Variants in KANSL1L observed in about 807,000 individuals in gnomAD.
The protein encoded by KANSL1L is KAT8 regulatory NSL complex subunit 1-like protein.
KANSL1L carries 25 observed loss-of-function variants against 108.6 expected under a neutral mutation model. The observed-to-expected ratio is 0.23, with a 90% CI of 0.17 to 0.32. The LOEUF (loss-of-function observed/expected upper bound fraction) is 0.32. Ranked by LOEUF, KANSL1L falls within the 10% of genes least tolerant of loss-of-function variation. The pLI, the probability that KANSL1L is intolerant of heterozygous loss-of-function variation, is 1.00. For missense variants in KANSL1L, 1,137 were observed against 1,125.7 expected, an observed-to-expected ratio of 1.01 and a Z score of -0.14; for synonymous variants, 405 against 395.1, an observed-to-expected ratio of 1.03 and a Z score of -0.30.
chr2:210,049,271 T>C (rs2094260662), intron 6 of KANSL1L, among the ~76,000 whole-genome samples: 1 of 152,174 alleles, frequency 6.6e-6, no homozygotes, highest in Non-Finnish European at 1.5e-5. Flanking sequence ...ATTCTTAGTA[T>C]GTTTCTCTTC....
At chr2:210,062,951 T>C (rs186131887) in intron 6 of KANSL1L, among the ~76,000 whole-genome samples, 131 of 152,292 alleles carry the variant, frequency 8.6e-4, no homozygotes, top group Admixed American at 7.9e-3. Flanking sequence ...CCCAAGACAA[T>C]GGAGAAAATG....
intron 2 of KANSL1L, among the ~76,000 whole-genome samples, chr2:210,140,254 C>T (rs1478109037): frequency 6.6e-6 from 1 of 152,072 alleles, no homozygotes; most frequent in African/African-American, 2.4e-5. Context: ...AAAATATTTG[C>T]CAACATCAAT....
chr2:210,136,175 G>A (rs572808667), intron 2 of KANSL1L, among the ~76,000 whole-genome samples: 285 of 152,154 alleles, frequency 1.9e-3, no homozygotes, highest in African/African-American at 6.6e-3. Context: ...TAGAACTCTG[G>A]CAGAACCTAG....
rs201864759 is a variant in KANSL1L at position 210,022,975 on chromosome 2, G to C, written c.2938C>G (p.Leu980Val). The C allele has an allele frequency of 6.2e-7, 1 of 1,613,288 alleles. No homozygotes were observed. The highest frequency in any genetic ancestry group is 1.3e-5 in the African/African-American group (1 of 74,970). The change falls in exon 15 of 15, where the codon CTT becomes GTT. Residue 980 changes from leucine to valine, a missense_variant. By Grantham distance (32) the Leu-to-Val change is conservative. Coordinates refer to ENST00000281772, the MANE Select transcript of KANSL1L (RefSeq NM_152519.4). Reference sequence around the variant, plus strand: ...CACCTATTTTTTTTAACATTAGTAAGTCCTAGACCAAAGGTTTTGTATTCT... The same window carrying C: ...CACCTATTTTTTTTAACATTAGTAACTCCTAGACCAAAGGTTTTGTATTCT... The part of the protein sequence containing the change: ...MEEYKTFGLG[L>V]TNVKKNR
intron 3 of KANSL1L, among the ~76,000 whole-genome samples, chr2:210,106,731 T>C (rs1355749795): frequency 6.8e-6 from 1 of 147,464 alleles, no homozygotes; most frequent in African/African-American, 2.5e-5. Flanking sequence ...ATCGCACCAC[T>C]GCACTCCAGC....
intron 6 of KANSL1L, among the ~76,000 whole-genome samples, chr2:210,055,380 G>T (rs534301345): frequency 3.9e-5 from 6 of 152,314 alleles, no homozygotes; most frequent in Admixed American, 3.3e-4. Context: ...AAAGAGTGAG[G>T]TGCTGCTATC....
intron 4 of KANSL1L, among the ~76,000 whole-genome samples, chr2:210,101,583 T>C (rs564224729): frequency 6.6e-6 from 1 of 152,134 alleles, no homozygotes; most frequent in East Asian, 1.9e-4. Flanking sequence ...GTTGATCCTA[T>C]AGGATGAGGG....
chr2:210,096,711 A>T (rs2094739130), intron 5 of KANSL1L: 11 of 959,598 alleles, frequency 1.1e-5, no homozygotes, highest in Non-Finnish European at 1.4e-5. Context: ...AAAATATCAT[A>T]GTTATCCTAT....
At chr2:210,040,552 A>G in intron 7 of KANSL1L, 25 bp from the exon 8 acceptor site, 1 of 1,074,666 alleles carries the variant, frequency 9.3e-7, no homozygotes, top group Non-Finnish European at 1.4e-6. Flanking sequence ...TAAAAAAGGT[A>G]TTTTCAAATA....
At chr2:210,139,107 A>C (rs1160732860) in intron 2 of KANSL1L, among the ~76,000 whole-genome samples, 2 of 152,016 alleles carry the variant, frequency 1.3e-5, no homozygotes, top group African/African-American at 4.8e-5. Context: ...TCAAAACAAA[A>C]CAAAACAAAA....
At chr2:210,156,086 T>C (rs1309676218) in intron 1 of KANSL1L, among the ~76,000 whole-genome samples, 3 of 152,176 alleles carry the variant, frequency 2.0e-5, no homozygotes, top group Non-Finnish European at 2.9e-5. Flanking sequence ...TTATCTAGAC[T>C]ATAGGAGGAA....
At chr2:210,164,367 A>G (rs2095376133) in intron 1 of KANSL1L, among the ~76,000 whole-genome samples, 1 of 152,202 alleles carries the variant, frequency 6.6e-6, no homozygotes, top group African/African-American at 2.4e-5. Flanking sequence ...CTTTCTAAAA[A>G]GCACCTGGAT....
intron 5 of KANSL1L, among the ~76,000 whole-genome samples, chr2:210,082,754 C>T (rs2094600297): frequency 6.6e-6 from 1 of 152,138 alleles, no homozygotes; most frequent in Admixed American, 6.5e-5. Flanking sequence ...TCTAACATTT[C>T]CCCCACATTC....
At chr2:210,130,216 T>C (rs183846110) in intron 2 of KANSL1L, among the ~76,000 whole-genome samples, 9 of 152,278 alleles carry the variant, frequency 5.9e-5, no homozygotes, top group Non-Finnish European at 1.2e-4. Context: ...CACTCTGTTG[T>C]GGGATATTAA....
At chr2:210,139,983 T>G (rs1159197180) in intron 2 of KANSL1L, among the ~76,000 whole-genome samples, 1 of 151,396 alleles carries the variant, frequency 6.6e-6, no homozygotes, top group Non-Finnish European at 1.5e-5. Flanking sequence ...GCTCAAGCGA[T>G]CCACCGGGCT....
intron 1 of KANSL1L, among the ~76,000 whole-genome samples, chr2:210,158,528 C>G (rs550482130): frequency 2.6e-5 from 4 of 152,100 alleles, no homozygotes; most frequent in African/African-American, 9.7e-5. Flanking sequence ...TGAAATAACA[C>G]GTAATTTAAG....
At chr2:210,107,519 A>AT (rs1553663239) in intron 3 of KANSL1L, among the ~76,000 whole-genome samples, 2 of 141,568 alleles carry the variant, frequency 1.4e-5, no homozygotes, top group African/African-American at 5.4e-5. Flanking sequence ...TCAAAAAAAA[A>AT]ATATATATAT....
At chr2:210,023,243 A>T in intron 14 of KANSL1L, 64 bp from the exon 15 acceptor site, 1 of 1,117,752 alleles carries the variant, frequency 8.9e-7, no homozygotes, top group Non-Finnish European at 1.4e-6. Context: ...TCATCTAACA[A>T]GTAATCTGTA....
At chr2:210,162,639 C>G (rs1389331139) in intron 1 of KANSL1L, among the ~76,000 whole-genome samples, 12 of 151,634 alleles carry the variant, frequency 7.9e-5, no homozygotes, top group Non-Finnish European at 1.5e-5. Flanking sequence ...GAGCCCAGGA[C>G]AAAACGTGGG....
Sources: allele counts gnomAD v4.1 joint callset (sites outside exome capture counted in the v4.1 genomes callset), GRCh38; gene constraint gnomAD v4.1.1; transcripts MANE v1.5; gene names NCBI Gene and HGNC (gene_info 2026-07-23, HGNC 2026-07-21).